Variants in GLB1L2 observed in about 807,000 individuals in gnomAD.
GLB1L2 encodes the protein beta-galactosidase-1-like protein 2.
Under a neutral mutation model 84.1 loss-of-function variants are expected in GLB1L2, and 68 were observed. That is an observed-to-expected ratio of 0.81 (90% CI 0.67 to 0.99). GLB1L2 has a LOEUF of 0.99. GLB1L2 is among the 50% of genes least tolerant of loss of function. The pLI is 0.00. For missense variants in GLB1L2, 762 were observed against 805.6 expected (o/e 0.95, Z 0.66); for synonymous variants, 290 against 318.0 (o/e 0.91, Z 0.94).
At position 134,334,876 on chromosome 11, in the gene GLB1L2, G is replaced by T. The variant is rs537835478; in HGVS notation, c.86+2729G>T. Among the ~76,000 whole-genome samples, 1 of 151,986 alleles carries T rather than the reference G, an allele frequency of 6.6e-6. No homozygotes were observed. The highest frequency in any genetic ancestry group is 1.5e-5 in the Non-Finnish European group (1 of 68,022). ...GTTGCCTTTCATTCTCTTCCTATTC[G>T]CACTCCATGAACACAAGAATGCCTG... On this transcript the variant is annotated intron_variant, in intron 1 of 18. Transcript: ENST00000535456. The surrounding 1 kb of genome is among the most constrained non-coding windows in gnomAD (Gnocchi z 4.1).
At chr11:134,361,516 G>T (rs1157947298) in intron 7 of GLB1L2, 1 of 152,322 alleles carries the variant, frequency 6.6e-6, no homozygotes, top group Non-Finnish European at 1.5e-5. Context: ...GGTGCCAGCC[G>T]GCTCTGCAGT....
At chr11:134,355,365 G>A (rs1216511197) in intron 5 of GLB1L2, among the ~76,000 whole-genome samples, 3 of 152,080 alleles carry the variant, frequency 2.0e-5, no homozygotes, top group Admixed American at 1.3e-4. Context: ...CCTTTGATGA[G>A]TCATACTTCC....
chr11:134,371,288 G>A (rs894570443), intron 13 of GLB1L2, 133 bp from the exon 14 acceptor site: 165 of 1,255,548 alleles, frequency 1.3e-4, no homozygotes, highest in Non-Finnish European at 1.7e-4. Flanking sequence ...CCTTCAGGGG[G>A]CATTCATGTC....
At chr11:134,348,481 C>T (rs1943580935) in intron 5 of GLB1L2, among the ~76,000 whole-genome samples, 1 of 152,114 alleles carries the variant, frequency 6.6e-6, no homozygotes, top group Non-Finnish European at 1.5e-5. Context: ...GGCTCAGAGG[C>T]ACTTGCAGAC....
chr11:134,367,730 C>A (rs142529273), intron 9 of GLB1L2, among the ~76,000 whole-genome samples: 17 of 152,324 alleles, frequency 1.1e-4, no homozygotes, highest in Non-Finnish European at 2.1e-4. Context: ...GATGCCATCA[C>A]ACTCCGCTGC....
intron 5 of GLB1L2, among the ~76,000 whole-genome samples, chr11:134,354,391 C>A (rs1337296563): frequency 1.3e-5 from 2 of 151,772 alleles, no homozygotes; most frequent in African/African-American, 4.8e-5. Context: ...CTTTTAAAAT[C>A]TTGTAGAAAA....
In GLB1L2 at chr11:134,369,852, A is replaced by C; in HGVS notation, c.1075A>C (p.Met359Leu). ...AGCCGGCGATTACACGGCCAAGTAC[A>C]TGAAGCTTCGAGACTTCTTCGGCTC... ...TEAGDYTAKY[M>L]KLRDFFGSIS... The change falls in exon 11 of 19, where the codon ATG (methionine) becomes CTG (leucine). Residue 359 changes from methionine to leucine, a missense_variant. Met to Leu is a conservative substitution (Grantham distance 15). Transcript: ENST00000535456. 6.2e-7 allele frequency: 1 copy of C among 1,613,770 alleles called. No individual in the cohort carries two copies. Among genetic ancestry groups the C allele is most frequent in the South Asian group, 1.1e-5 (1 of 91,074 alleles).
rs1340886957 is a variant in GLB1L2 at position 134,374,730 on chromosome 11, C to T, written c.1824+12C>T. 6.3e-7 allele frequency: 1 copy of T among 1,594,072 alleles called. No individual in the cohort carries two copies. The highest frequency in any genetic ancestry group is 8.6e-7 in the Non-Finnish European group (1 of 1,161,962). ...GCGGAATCAACCAGGTGGGAGCTTC[C>T]AGCCCCTTCCTGTTCCCCATGACGC... On this transcript the variant is annotated intron_variant, in intron 18 of 18. Coordinates refer to ENST00000535456, the MANE Select transcript of GLB1L2 (RefSeq NM_001370461.1).
intron 15 of GLB1L2, among the ~76,000 whole-genome samples, chr11:134,372,985 C>T (rs1050370506): frequency 3.3e-4 from 51 of 152,334 alleles, no homozygotes; most frequent in African/African-American, 1.2e-3. Context: ...TTGAGGGTCC[C>T]CTGGGCCCAC....
At chr11:134,365,542 T>G (rs146551717) in intron 8 of GLB1L2, among the ~76,000 whole-genome samples, 1 of 152,352 alleles carries the variant, frequency 6.6e-6, no homozygotes, top group Non-Finnish European at 1.5e-5. Context: ...CATTTCCTTA[T>G]GGTGTCAACT....
chr11:134,351,814 T>G (rs1943639087), intron 5 of GLB1L2, among the ~76,000 whole-genome samples: 1 of 152,218 alleles, frequency 6.6e-6, no homozygotes, highest in African/African-American at 2.4e-5. Flanking sequence ...TTTTCTTTTC[T>G]CATAGTGTCT....
chr11:134,346,985 C>G (rs1263546321), intron 4 of GLB1L2: 1 of 254,900 alleles, frequency 3.9e-6, no homozygotes, highest in Non-Finnish European at 7.8e-6. Context: ...TTTGACTTCA[C>G]TTTTTGAAAT....
At chr11:134,340,135 C>A (rs781244283) in intron 1 of GLB1L2, among the ~76,000 whole-genome samples, 1 of 152,136 alleles carries the variant, frequency 6.6e-6, no homozygotes, top group Non-Finnish European at 1.5e-5. Flanking sequence ...CTCTCGCACC[C>A]ATAAGTAGAT....
At position 134,368,730 on chromosome 11, in the gene GLB1L2, A is replaced by T; in HGVS notation, c.976A>T (p.Met326Leu). The T allele has an allele frequency of 1.2e-6, 2 of 1,614,094 alleles. No homozygotes were observed. The highest frequency in any genetic ancestry group is 1.7e-6 in the Non-Finnish European group (2 of 1,180,042). Reference protein sequence around the residue: ...MFHGGTNFGFMNGAMHFHDYK... With the variant: ...MFHGGTNFGFLNGAMHFHDYK... ...CCACGGAGGCACCAACTTTGGCTTC[A>T]TGAATGGAGCCATGCACTTCCATGA... The change falls in exon 10 of 19, where the codon ATG (methionine) becomes TTG (leucine). Residue 326 changes from methionine (M) to leucine (L), a missense_variant. Physicochemically the swap from Met to Leu is conservative, Grantham distance 15. Coordinates refer to ENST00000535456, the MANE Select transcript of GLB1L2 (RefSeq NM_001370461.1).
Position 134,371,146 on chromosome 11 carries a change from C to CCACTG in GLB1L2, c.1354_1355insCACTG (p.Gln452ProfsTer6). On this transcript the variant is annotated frameshift_variant and splice_region_variant, in exon 13 of 19. Transcript: ENST00000535456. LOFTEE classifies it high-confidence loss of function. ...CAGTGGCCACGTGCATGATCGGGGG[C>CCACTG]AGGTAGGAGCTTCTCTTCTAAATTC... is the stretch of plus-strand genomic sequence containing the variant. The CCACTG allele has an allele frequency of 1.2e-6, 2 of 1,614,076 alleles. No homozygotes were observed. Among genetic ancestry groups the CCACTG allele is most frequent in the Non-Finnish European group, 1.7e-6 (2 of 1,179,962 alleles).
intron 1 of GLB1L2, among the ~76,000 whole-genome samples, chr11:134,333,867 G>A (rs1379314792): frequency 6.6e-6 from 1 of 152,128 alleles, no homozygotes; most frequent in African/African-American, 2.4e-5. Context: ...TGTTTTTCTT[G>A]CCTCTCCATC....
intron 16 of GLB1L2, 114 bp from the exon 17 acceptor site, chr11:134,374,031 A>T: frequency 1.2e-6 from 1 of 819,580 alleles, no homozygotes; most frequent in Non-Finnish European, 2.1e-6. Flanking sequence ...TGTCCTGGTT[A>T]AGAGGCGGGG....
At chr11:134,356,517 G>A in intron 6 of GLB1L2, 124 bp downstream of exon 6, 1 of 649,906 alleles carries the variant, frequency 1.5e-6, no homozygotes, top group Non-Finnish European at 2.7e-6. Context: ...ATGTATTAGT[G>A]AATTTTCTCT....
intron 1 of GLB1L2, among the ~76,000 whole-genome samples, chr11:134,342,118 G>A (rs529349713): frequency 6.6e-6 from 1 of 152,184 alleles, no homozygotes; most frequent in African/African-American, 2.4e-5. Flanking sequence ...GAGTCACTGG[G>A]ACCCGGCTGA....
Sources: gnomAD v4.1 joint callset for allele counts (sites outside exome capture counted in the v4.1 genomes callset) on GRCh38, gnomAD v4.1.1 for gene constraint, Gnocchi (gnomAD v3.1) non-coding constraint, MANE v1.5 for transcripts, NCBI Gene and HGNC (gene_info 2026-07-23, HGNC 2026-07-21) for gene names.